The following IFIH1 variants were observed in gnomAD, a reference collection of about 807,000 sequenced individuals.
IFIH1 encodes interferon induced with helicase C domain 1.
In IFIH1, 125 loss-of-function variants were observed where a neutral mutation model predicts 107.4. The ratio of observed to expected loss-of-function variants is 1.16; its 90% CI spans 1.01 to 1.35. The LOEUF (loss-of-function observed/expected upper bound fraction) is 1.35. IFIH1 is among the 40% of genes most tolerant of loss of function. The pLI, the probability that IFIH1 is intolerant of heterozygous loss-of-function variation, is 0.00. For missense variants in IFIH1, 1,333 were observed against 1,213.7 expected, an observed-to-expected ratio of 1.10 and a Z score of -1.46; for synonymous variants, 458 against 413.2, an observed-to-expected ratio of 1.11 and a Z score of -1.31.
At chr2:162,275,610 A>AT (rs555068797) in intron 11 of IFIH1, among the ~76,000 whole-genome samples, 39 of 152,234 alleles carry the variant, frequency 2.6e-4, no homozygotes, top group African/African-American at 8.7e-4. Flanking sequence ...CATTTCAAGA[A>AT]TTTTTTTCCA....
intron 5 of IFIH1, among the ~76,000 whole-genome samples, chr2:162,282,989 C>T (rs1178561134): frequency 6.6e-6 from 1 of 150,858 alleles, no homozygotes; most frequent in Non-Finnish European, 1.5e-5. Context: ...TCTAGTAAGC[C>T]ATGAGTCAGT....
intron 4 of IFIH1, among the ~76,000 whole-genome samples, chr2:162,291,935 T>C (rs1683003274): frequency 6.6e-6 from 1 of 151,838 alleles, no homozygotes; most frequent in African/African-American, 2.4e-5. Context: ...TTCTGATGTG[T>C]TTGTCTTCAA....
At chr2:162,303,273 C>A (rs1297266587) in intron 3 of IFIH1, among the ~76,000 whole-genome samples, 1 of 152,132 alleles carries the variant, frequency 6.6e-6, no homozygotes, top group African/African-American at 2.4e-5. Flanking sequence ...TGCCACCATG[C>A]TCGGCTAAGT....
chr2:162,299,152 G>T (rs1278541154), intron 3 of IFIH1, among the ~76,000 whole-genome samples: 1 of 152,152 alleles, frequency 6.6e-6, no homozygotes, highest in Non-Finnish European at 1.5e-5. Flanking sequence ...TAAAGCACAG[G>T]TTGCAAGGAT....
At chr2:162,290,993 A>C (rs1176948663) in intron 4 of IFIH1, among the ~76,000 whole-genome samples, 1 of 151,832 alleles carries the variant, frequency 6.6e-6, no homozygotes, top group Admixed American at 6.6e-5. Context: ...CCTTTATAAA[A>C]GAAATGTTTG....
At chr2:162,276,585 A>G (rs1682666248) in intron 11 of IFIH1, 102 bp downstream of exon 11, 1 of 1,277,910 alleles carries the variant, frequency 7.8e-7, no homozygotes, top group African/African-American at 1.5e-5. Context: ...AGCCTGAGTG[A>G]CAGAGCGAGG....
At chr2:162,279,953 T>C (rs754049641) in intron 8 of IFIH1, 43 bp downstream of exon 8, 2 of 989,562 alleles carry the variant, frequency 2.0e-6, no homozygotes, top group Non-Finnish European at 3.3e-6. Context: ...TTCTACTGAA[T>C]GTAGTATTGT....
At chr2:162,309,329 A>G (rs1009869471) in intron 2 of IFIH1, among the ~76,000 whole-genome samples, 2 of 152,180 alleles carry the variant, frequency 1.3e-5, no homozygotes, top group Non-Finnish European at 2.9e-5. Context: ...AGGGCTCACT[A>G]AAACCAGAGA....
chr2:162,267,504 C>T lies in IFIH1; in HGVS notation c.2873G>A (p.Gly958Asp), dbSNP rs1335898755. Residue 958 changes from glycine to aspartate, a missense_variant, in exon 15 of 16, where the codon GGT becomes GAT. By Grantham distance (94) the Gly-to-Asp change is moderately conservative. Transcript: ENST00000649979. The part of the protein sequence containing the change: ...QKKCADYQIN[G>D]EIICKCGQAW... ...CTGGCCACATTTGCAGATGATTTCA[C>T]CATTTATTTGATAGTCGGCACACTT... 2.5e-6 allele frequency: 4 copies of T among 1,613,968 alleles called. No homozygotes were observed. Among genetic ancestry groups the T allele is most frequent in the Non-Finnish European group, 3.4e-6 (4 of 1,179,846 alleles).
chr2:162,315,184 T>G (rs916803431), intron 1 of IFIH1, among the ~76,000 whole-genome samples: 34 of 152,220 alleles, frequency 2.2e-4, no homozygotes, highest in African/African-American at 7.7e-4. Flanking sequence ...AAAAGCAAAT[T>G]TGGAAATCTT....
intron 1 of IFIH1, among the ~76,000 whole-genome samples, chr2:162,311,543 T>G (rs1683384734): frequency 1.3e-5 from 2 of 151,944 alleles, no homozygotes; most frequent in South Asian, 2.1e-4. Context: ...TTGTTATATC[T>G]TTTTTTTGGA....
In IFIH1 at chr2:162,272,225, C is replaced by T. The variant is rs1428749026; in HGVS notation, c.2616+1G>A. The stretch of plus-strand genomic sequence containing the variant: ...TCAAATTCAGAGGTGACCAACAATA[C>T]CTTATGAGCATACTCCTCTGGTTTC... On this transcript the variant is annotated splice_donor_variant, in intron 13 of 15. Coordinates refer to ENST00000649979, the MANE Select transcript of IFIH1 (RefSeq NM_022168.4). LOFTEE classifies it high-confidence loss of function. 6.2e-6 allele frequency: 10 copies of T among 1,609,350 alleles called. No homozygotes were observed. In the East Asian group the frequency reaches 8.9e-5, roughly 14 times the overall value.
intron 2 of IFIH1, chr2:162,307,133 G>C (rs141891186): frequency 1.2e-3 from 310 of 258,476 alleles, no homozygotes; most frequent in African/African-American, 6.4e-3. Context: ...ATTTCGAAAG[G>C]CTTAGAATGT....
intron 4 of IFIH1, 79 bp downstream of exon 4, chr2:162,293,485 G>T: frequency 1.2e-6 from 1 of 800,540 alleles, no homozygotes; most frequent in Non-Finnish European, 2.1e-6. Context: ...ATTAGGGAGG[G>T]TATGAACAGC....
intron 3 of IFIH1, among the ~76,000 whole-genome samples, chr2:162,303,698 T>A (rs776573662): frequency 1.3e-5 from 2 of 152,016 alleles, no homozygotes; most frequent in Non-Finnish European, 2.9e-5. Context: ...TCCCCTAATA[T>A]CATTATTAAA....
intron 13 of IFIH1, among the ~76,000 whole-genome samples, chr2:162,269,700 A>G (rs924719966): frequency 6.6e-6 from 1 of 152,176 alleles, no homozygotes; most frequent in African/African-American, 2.4e-5. Context: ...AGACCGAGGG[A>G]GAAATTTTCA....
intron 1 of IFIH1, among the ~76,000 whole-genome samples, chr2:162,311,177 A>T (rs1194383243): frequency 6.6e-6 from 1 of 152,106 alleles, no homozygotes; most frequent in Non-Finnish European, 1.5e-5. Context: ...TTAAATATGA[A>T]CCATTTTTTT....
chr2:162,289,244 G>A (rs1682953195), intron 4 of IFIH1, among the ~76,000 whole-genome samples: 2 of 151,282 alleles, frequency 1.3e-5, no homozygotes, highest in South Asian at 4.2e-4. Context: ...AATTAACATG[G>A]ATTTTAAATT....
At chr2:162,272,786 C>T (rs529751111) in intron 12 of IFIH1, among the ~76,000 whole-genome samples, 1 of 152,220 alleles carries the variant, frequency 6.6e-6, no homozygotes, top group South Asian at 2.1e-4. Flanking sequence ...GACCTTGACA[C>T]TAGGGCTGGT....
Sources: allele counts gnomAD v4.1 joint callset (sites outside exome capture counted in the v4.1 genomes callset), GRCh38; gene constraint gnomAD v4.1.1; transcripts MANE v1.5; gene names NCBI Gene and HGNC (gene_info 2026-07-23, HGNC 2026-07-21).